The following GRID2 variants were observed in gnomAD, a reference collection of about 807,000 sequenced individuals.
GRID2 encodes glutamate ionotropic receptor delta type subunit 2, also known as glutamate receptor ionotropic, delta-2.
Under a neutral mutation model 114.8 loss-of-function variants are expected in GRID2, and 33 were observed. The observed-to-expected ratio is 0.29, with a 90% CI of 0.22 to 0.38. The LOEUF (loss-of-function observed/expected upper bound fraction) is 0.38. Among genes scored for constraint, GRID2 ranks in the 10% least tolerant of loss-of-function variants. The probability of loss-of-function intolerance (pLI) is 1.00; values close to 1 mark genes in which losing one functional copy is unlikely to be tolerated. For synonymous variants in GRID2, 505 were observed against 449.9 expected, an observed-to-expected ratio of 1.12 and a Z score of -1.55; for missense variants, 1,184 against 1,257.7, an observed-to-expected ratio of 0.94 and a Z score of 0.89.
At chr4:92,638,544 T>C (rs1227875969) in intron 2 of GRID2, among the ~76,000 whole-genome samples, 9 of 148,972 alleles carry the variant, frequency 6.0e-5, no homozygotes, top group Non-Finnish European at 1.0e-4. Context: ...ATTCTTCCAA[T>C]TGACTCATTA....
chr4:93,017,780 C>G (rs1286741536), intron 2 of GRID2, among the ~76,000 whole-genome samples: 1 of 139,558 alleles, frequency 7.2e-6, no homozygotes, highest in Non-Finnish European at 1.5e-5. Context: ...GGACTCCAGC[C>G]AGGACAGAGC....
intron 4 of GRID2, among the ~76,000 whole-genome samples, chr4:93,158,155 T>C (rs1455355624): frequency 6.6e-6 from 1 of 151,818 alleles, no homozygotes; most frequent in African/African-American, 2.4e-5. Flanking sequence ...AGATATGTCA[T>C]TTTGCAGACT....
intron 2 of GRID2, among the ~76,000 whole-genome samples, chr4:92,638,855 T>C (rs1731206561): frequency 6.6e-6 from 1 of 151,212 alleles, no homozygotes; most frequent in Admixed American, 6.6e-5. Context: ...ATTCTCAATA[T>C]TTCATATGAT....
At chr4:93,744,825 C>A (rs980047136) in intron 14 of GRID2, among the ~76,000 whole-genome samples, 1 of 151,634 alleles carries the variant, frequency 6.6e-6, no homozygotes, top group Non-Finnish European at 1.5e-5. Flanking sequence ...GATACAGCAA[C>A]CCTCATTGTT....
At chr4:92,845,578 C>T (rs1212787253) in intron 2 of GRID2, among the ~76,000 whole-genome samples, 1 of 152,088 alleles carries the variant, frequency 6.6e-6, no homozygotes, top group Non-Finnish European at 1.5e-5. Flanking sequence ...ATCCTGCTCT[C>T]TGCCCTCCTC....
chr4:93,378,755 T>A (rs1396219813), intron 8 of GRID2, among the ~76,000 whole-genome samples: 1 of 152,098 alleles, frequency 6.6e-6, no homozygotes, highest in Non-Finnish European at 1.5e-5. Flanking sequence ...TGAATCTATG[T>A]CTTTATTATT....
At chr4:92,757,936 C>A (rs1035539474) in intron 2 of GRID2, among the ~76,000 whole-genome samples, 3 of 151,294 alleles carry the variant, frequency 2.0e-5, no homozygotes, top group Non-Finnish European at 3.0e-5. Flanking sequence ...AGTAGTGGGG[C>A]AAATTCCAAA....
chr4:92,674,267 G>C (rs1733219647), intron 2 of GRID2, among the ~76,000 whole-genome samples: 1 of 151,976 alleles, frequency 6.6e-6, no homozygotes, highest in Non-Finnish European at 1.5e-5. Context: ...TTACGAGCAT[G>C]TATGACTGCT....
At chr4:93,068,896 A>G (rs1728555617) in intron 2 of GRID2, among the ~76,000 whole-genome samples, 1 of 152,050 alleles carries the variant, frequency 6.6e-6, no homozygotes, top group African/African-American at 2.4e-5. Flanking sequence ...TGCAGGCTAT[A>G]CAGGAAGCAT....
chr4:92,329,937 G>A (rs904122352), intron 1 of GRID2, among the ~76,000 whole-genome samples: 4 of 149,258 alleles, frequency 2.7e-5, no homozygotes, highest in South Asian at 4.3e-4. Context: ...GTAAGGGAAA[G>A]GAGAGAAGAG....
At chr4:92,621,025 G>T (rs952934407) in intron 2 of GRID2, among the ~76,000 whole-genome samples, 3 of 149,832 alleles carry the variant, frequency 2.0e-5, no homozygotes, top group Non-Finnish European at 4.5e-5. Flanking sequence ...TTTTAACCCA[G>T]GCATTCTCAG....
intron 1 of GRID2, among the ~76,000 whole-genome samples, chr4:92,324,529 G>T (rs1174760774): frequency 6.6e-6 from 1 of 151,560 alleles, no homozygotes; most frequent in African/African-American, 2.4e-5. Context: ...CCTATAACAT[G>T]TTCTTAGGTT....
intron 1 of GRID2, among the ~76,000 whole-genome samples, chr4:92,573,003 C>T (rs544834158): frequency 1.1e-4 from 16 of 151,784 alleles, no homozygotes; most frequent in African/African-American, 3.6e-4. Flanking sequence ...TTTCAGAACT[C>T]ATTATTGCCC....
intron 2 of GRID2, among the ~76,000 whole-genome samples, chr4:92,926,442 T>C (rs1749815049): frequency 6.6e-6 from 1 of 152,002 alleles, no homozygotes; most frequent in Admixed American, 6.6e-5. Context: ...TAGTTCACCA[T>C]AGAAATTATC....
chr4:92,614,991 A>G (rs75340996), intron 2 of GRID2, among the ~76,000 whole-genome samples: 7,096 of 147,010 alleles, frequency 0.048, 208 homozygotes, highest in East Asian at 0.097. Context: ...AACTTATTTT[A>G]TCTGCTGTTA....
intron 1 of GRID2, among the ~76,000 whole-genome samples, chr4:92,370,170 T>C (rs942542865): frequency 6.6e-6 from 1 of 152,196 alleles, no homozygotes; most frequent in African/African-American, 2.4e-5. Flanking sequence ...ATATCTGTTA[T>C]GGTGATCTGT....
intron 6 of GRID2, among the ~76,000 whole-genome samples, chr4:93,222,312 T>C (rs1194192880): frequency 2.0e-5 from 3 of 151,988 alleles, no homozygotes; most frequent in Admixed American, 2.0e-4. Context: ...CTCAACCTTG[T>C]GTAGGATAAG....
At chr4:93,770,727 G>T (rs1265583067) in intron 15 of GRID2, among the ~76,000 whole-genome samples, 1 of 152,110 alleles carries the variant, frequency 6.6e-6, no homozygotes, top group Non-Finnish European at 1.5e-5. Flanking sequence ...CAACATTATA[G>T]CTGAGACTCA....
intron 2 of GRID2, among the ~76,000 whole-genome samples, chr4:92,618,705 G>A (rs753594154): frequency 6.6e-6 from 1 of 151,326 alleles, no homozygotes; most frequent in Non-Finnish European, 1.5e-5. Flanking sequence ...TTCTTTGTAG[G>A]GATCATTCAT....
Sources: gnomAD v4.1 joint callset for allele counts (sites outside exome capture counted in the v4.1 genomes callset) on GRCh38, gnomAD v4.1.1 for gene constraint, MANE v1.5 for transcripts, NCBI Gene and HGNC (gene_info 2026-07-23, HGNC 2026-07-21) for gene names.